The following RAB40B variants were observed in gnomAD, a reference collection of about 807,000 sequenced individuals.
RAB40B encodes the protein ras-related protein Rab-40B.
RAB40B carries 21 observed loss-of-function variants against 24.0 expected under a neutral mutation model. The observed-to-expected ratio is 0.88, with a 90% CI of 0.62 to 1.26. RAB40B has a LOEUF of 1.26. RAB40B is among the 50% of genes most tolerant of loss of function. RAB40B has a pLI of 0.00. For missense variants in RAB40B, 348 were observed against 390.5 expected (o/e 0.89, Z 0.92); for synonymous variants, 167 against 169.8 (o/e 0.98, Z 0.13).
intron 1 of RAB40B, among the ~76,000 whole-genome samples, chr17:82,683,182 A>G (rs1240169777): frequency 6.6e-6 from 1 of 152,102 alleles, no homozygotes; most frequent in African/African-American, 2.4e-5. Flanking sequence ...AAAACCCAAA[A>G]TGGACCATAG....
rs2143435816 is a variant in RAB40B, at chr17:82,657,795, A to G, written c.*68T>C. 1 of 1,565,574 alleles carries G rather than the reference A, an allele frequency of 6.4e-7. No individual in the cohort carries two copies. Among genetic ancestry groups the G allele is most frequent in the Non-Finnish European group, 8.8e-7 (1 of 1,136,924 alleles). ...AGGAACCGGGATCTGAGATGCATCC[A>G]CCAGCTGCCGGGGGTAACGCCGAGC... On this transcript the variant is annotated 3_prime_UTR_variant, in exon 6 of 6. Coordinates refer to ENST00000571995, the MANE Select transcript of RAB40B (RefSeq NM_006822.3).
rs1345510923 is a variant in RAB40B at position 82,655,883 on chromosome 17, G to C, written c.*1980C>G. The stretch of plus-strand genomic sequence containing the variant: ...GCAGGGACCAGTGCTCCTCTCTCCT[G>C]TCTGGGCCTCGGTTCCACCATCTCT... On this transcript the variant is annotated 3_prime_UTR_variant, in exon 6 of 6. Transcript: ENST00000571995. The C allele has an allele frequency of 1.3e-5, 2 of 151,778 alleles. No individual in the cohort carries two copies. The highest frequency in any genetic ancestry group is 2.9e-5 in the Non-Finnish European group (2 of 68,028). 9.4% of individuals were successfully genotyped at this position (151,778 alleles called of 1,614,324 possible).
chr17:82,660,533 T>G (rs1598294148), intron 3 of RAB40B, among the ~76,000 whole-genome samples: 1 of 136,708 alleles, frequency 7.3e-6, no homozygotes, highest in African/African-American at 2.8e-5. Context: ...GCATACACAG[T>G]GCACATACCT....
At chr17:82,659,365 C>G (rs1364406101) in intron 4 of RAB40B, 2 of 569,038 alleles carry the variant, frequency 3.5e-6, no homozygotes, top group Non-Finnish European at 6.3e-6. Context: ...TTCGTCTGGA[C>G]CAGCTTCCTG....
At position 82,658,037 on chromosome 17, in the gene RAB40B, G is replaced by A. The variant is rs915720419; in HGVS notation, c.663C>T (p.His221=). The stretch of plus-strand genomic sequence containing the variant: ...CGTTGGCCATCGAGAAGGACTTGAG[G>A]TGGCTTCTTAAGGCAATGGGGAGCG... ...KLPLPIALRS[H]LKSFSMANGL... The change falls in exon 6 of 6, where the codon CAC becomes CAT. Residue 221 remains histidine, a synonymous_variant. Transcript: ENST00000571995. 5 of 1,614,112 alleles carry A rather than the reference G, an allele frequency of 3.1e-6. No homozygotes were observed. The highest frequency in any genetic ancestry group is 4.2e-6 in the Non-Finnish European group (5 of 1,180,052).
chr17:82,664,445 G>C, intron 2 of RAB40B, 51 bp downstream of exon 2: 4 of 1,580,896 alleles, frequency 2.5e-6, no homozygotes, highest in Non-Finnish European at 3.5e-6. Context: ...ATGCCAGCCA[G>C]GGGGGTTACT....
intron 1 of RAB40B, among the ~76,000 whole-genome samples, chr17:82,679,066 G>T (rs542826469): frequency 6.6e-6 from 1 of 150,388 alleles, no homozygotes; most frequent in East Asian, 2.0e-4. Flanking sequence ...TGTATTTTTA[G>T]TAGAGACGGG....
rs1308452694 is a variant in RAB40B, at chr17:82,667,567, G to A, written c.143-3011C>T. Among the ~76,000 whole-genome samples, 2 of 152,074 alleles carry A rather than the reference G, an allele frequency of 1.3e-5. No homozygotes were observed. Among genetic ancestry groups the A allele is most frequent in the Non-Finnish European group, 2.9e-5 (2 of 68,032 alleles). ...CCTGGACTCCAGAGGCTCTTTCTGT[G>A]GTGCCACCAGAGCCCCAGAGACATG... is the stretch of plus-strand genomic sequence containing the variant. On this transcript the variant is annotated intron_variant, in intron 1 of 5. Coordinates refer to ENST00000571995, the MANE Select transcript of RAB40B (RefSeq NM_006822.3). The surrounding 1 kb of genome is among the most constrained non-coding windows in gnomAD (Gnocchi z 4.3).
Position 82,658,718 on chromosome 17 carries a change from C to A in RAB40B, c.343-5G>T. 6.2e-7 allele frequency: 1 copy of A among 1,604,940 alleles called. No homozygotes were observed. On this transcript the variant is annotated splice_polypyrimidine_tract_variant and splice_region_variant and intron_variant, in intron 4 of 5. Coordinates refer to ENST00000571995, the MANE Select transcript of RAB40B (RefSeq NM_006822.3). ...CTTGGGGACTCCGGGGGCATGCTAG[C>A]GGGCAGGAGAAAGGCGAGGAGCATG... is the stretch of plus-strand genomic sequence containing the variant.
Position 82,656,517 on chromosome 17 carries a change from T to G in RAB40B, c.*1346A>C, listed in dbSNP as rs1467241487. 1 of 152,162 alleles carries G rather than the reference T, an allele frequency of 6.6e-6. No homozygotes were observed. Among genetic ancestry groups the G allele is most frequent in the East Asian group, 1.9e-4 (1 of 5,184 alleles). The allele number at this position is 152,162 out of a possible 1,614,324, so 9.4% of individuals were successfully genotyped here. On this transcript the variant is annotated 3_prime_UTR_variant, in exon 6 of 6. Coordinates refer to ENST00000571995, the MANE Select transcript of RAB40B (RefSeq NM_006822.3). ...CCGAGGCTCAGGAGCACGGCTCTGA[T>G]TTCTCAGACAGGCACATGCCTGGGT...
Position 82,655,689 on chromosome 17 carries a change from G to C in RAB40B, c.*2174C>G, listed in dbSNP as rs1163582450. On this transcript the variant is annotated 3_prime_UTR_variant, in exon 6 of 6. Coordinates refer to ENST00000571995, the MANE Select transcript of RAB40B (RefSeq NM_006822.3). ...CCACCTGTGGCACAGCAGAGAGAAG[G>C]GTGCACAGGTCTTTGCAGCGTGCCT... 2 of 152,284 alleles carry C rather than the reference G, an allele frequency of 1.3e-5. No individual in the cohort carries two copies. Among genetic ancestry groups the C allele is most frequent in the Non-Finnish European group, 2.9e-5 (2 of 68,098 alleles). 9.4% of individuals were successfully genotyped at this position (152,284 alleles called of 1,614,324 possible).
chr17:82,662,383 G>A, intron 2 of RAB40B: 1 of 985,470 alleles, frequency 1.0e-6, no homozygotes, highest in Non-Finnish European at 1.2e-6. Context: ...AGGCCGAAGG[G>A]CCAGCACGTG....
chr17:82,658,499 G>A lies in RAB40B; in HGVS notation c.557C>T (p.Pro186Leu), dbSNP rs146639483. Residue 186 changes from proline to leucine, a missense_variant, in exon 5 of 6, where the codon CCG becomes CTG. Transcript: ENST00000571995. ...ATAGCCCCTGGGCCTACCCTTGCTC[G>A]GCCGCCAGAGCCGGTCCATCCCATG... ...LRHGMDRLWR[P>L]SKVLSLQDLC... 4.9e-4 allele frequency: 789 copies of A among 1,611,860 alleles called. 1 individual carries two copies. Among genetic ancestry groups the A allele is most frequent in the Admixed American group, 1.7e-3 (103 of 60,026 alleles).
In RAB40B at chr17:82,667,785, G is replaced by A. The variant is rs144260816; in HGVS notation, c.143-3229C>T. ...CGCCCGAAGCACCCGCTTTGCAGAC[G>A]CCACCTGCCCCGTGATGAGGCTCAG... On this transcript the variant is annotated intron_variant, in intron 1 of 5. Coordinates refer to ENST00000571995, the MANE Select transcript of RAB40B (RefSeq NM_006822.3). This position sits in a 1 kb window ranked among gnomAD's most constrained non-coding sequence, Gnocchi z 4.3. Among the ~76,000 whole-genome samples, 44 of 152,274 alleles carry A rather than the reference G, an allele frequency of 2.9e-4. No homozygotes were observed. The highest frequency in any genetic ancestry group is 1.0e-3 in the African/African-American group (43 of 41,556).
intron 1 of RAB40B, among the ~76,000 whole-genome samples, chr17:82,666,539 C>T (rs1279619799): frequency 6.6e-6 from 1 of 152,170 alleles, no homozygotes; most frequent in Admixed American, 6.5e-5. Context: ...GCTGCTGCTC[C>T]CGGCCAATAA....
At chr17:82,680,913 C>T (rs1232508635) in intron 1 of RAB40B, among the ~76,000 whole-genome samples, 1 of 149,570 alleles carries the variant, frequency 6.7e-6, no homozygotes. Flanking sequence ...ACCTGTAGTC[C>T]CAGCTACTCA....
At position 82,698,688 on chromosome 17, in the gene RAB40B, A is replaced by G; in HGVS notation, c.-92T>C. The G allele has an allele frequency of 9.8e-7, 1 of 1,015,966 alleles. No homozygotes were observed. Among genetic ancestry groups the G allele is most frequent in the Non-Finnish European group, 1.2e-6 (1 of 820,374 alleles). The allele number at this position is 1,015,966 out of a possible 1,614,324, so 62.9% of individuals were successfully genotyped here. Reference sequence around the variant, plus strand: ...CCCGAGAGGCGCCGCGCGGGCCCCGAGTCCTTGCTCGCCTCCGGCCCCGCC... The same window carrying G: ...CCCGAGAGGCGCCGCGCGGGCCCCGGGTCCTTGCTCGCCTCCGGCCCCGCC... On this transcript the variant is annotated 5_prime_UTR_variant, in exon 1 of 6. Transcript: ENST00000571995.
At chr17:82,664,140 G>A (rs1189370797) in intron 2 of RAB40B, among the ~76,000 whole-genome samples, 11 of 137,948 alleles carry the variant, frequency 8.0e-5, no homozygotes, top group African/African-American at 3.1e-4. Context: ...GTGCTGTGCC[G>A]ATGGTGGTGG....
At chr17:82,658,280 C>T (rs1340446839) in intron 5 of RAB40B, 146 bp from the exon 6 acceptor site, 31 of 1,194,120 alleles carry the variant, frequency 2.6e-5, no homozygotes, top group Admixed American at 5.3e-5. Context: ...CCTGCCGCGA[C>T]GTCCCCTCTG....
Sources: gnomAD v4.1 joint callset for allele counts (sites outside exome capture counted in the v4.1 genomes callset) on GRCh38, gnomAD v4.1.1 for gene constraint, Gnocchi (gnomAD v3.1) non-coding constraint, MANE v1.5 for transcripts, NCBI Gene and HGNC (gene_info 2026-07-23, HGNC 2026-07-21) for gene names.